The following CSMD1 variants were observed in gnomAD, a reference collection of about 807,000 sequenced individuals.
The protein encoded by CSMD1 is CUB and Sushi multiple domains 1.
A neutral mutation model predicts 417.5 loss-of-function variants in CSMD1; 213 were observed. That is an observed-to-expected ratio of 0.51 (90% CI 0.46 to 0.57). The LOEUF (loss-of-function observed/expected upper bound fraction) is 0.57. Among genes scored for constraint, CSMD1 ranks in the 20% least tolerant of loss-of-function variants. The pLI, the probability that CSMD1 is intolerant of heterozygous loss-of-function variation, is 0.00. For synonymous variants in CSMD1, 2,862 were observed against 1,736.8 expected (o/e 1.65, Z -16.11); for missense variants, 6,923 against 4,529.7 (o/e 1.53, Z -15.17).
Position 4,902,669 on chromosome 8 carries a change from T to C in CSMD1, c.85+91663A>G, listed in dbSNP as rs192401826. Among the ~76,000 whole-genome samples the C allele has an allele frequency of 1.1e-4, 16 of 152,266 alleles. No individual in the cohort carries two copies. In the East Asian group the frequency reaches 2.9e-3, roughly 28 times the overall value. On this transcript the variant is annotated intron_variant, in intron 1 of 69. Transcript: ENST00000635120. ...ACTTTTATGGCATATACTTTAATCATTTACTTTTGAATAGGTGATATACGC... is the reference window on the plus strand; with the variant it reads ...ACTTTTATGGCATATACTTTAATCACTTACTTTTGAATAGGTGATATACGC...
At chr8:3,424,445 G>C (rs146525791) in intron 12 of CSMD1, among the ~76,000 whole-genome samples, 64 of 152,284 alleles carry the variant, frequency 4.2e-4, no homozygotes, top group African/African-American at 1.4e-3. Context: ...TCTAGTCTGT[G>C]TATTTATTCA....
rs562159008 is a variant in CSMD1 at position 3,058,002 on chromosome 8, G to A, written c.7475-5355C>T. The stretch of plus-strand genomic sequence containing the variant: ...CCTCGCCAAGTATCCACGCCGCCCA[G>A]TCGGCTTATTCTCACTTTCTTGCCT... On this transcript the variant is annotated intron_variant, in intron 49 of 69. Transcript: ENST00000635120. 2.8e-3 allele frequency among the ~76,000 whole-genome samples: 432 copies of A among 152,224 alleles called. 1 individual carries two copies. The highest frequency in any genetic ancestry group is 3.1e-3 in the Non-Finnish European group (208 of 68,020).
intron 1 of CSMD1, among the ~76,000 whole-genome samples, chr8:4,644,534 G>A (rs1404737489): frequency 1.3e-5 from 2 of 152,128 alleles, no homozygotes; most frequent in Non-Finnish European, 2.9e-5. Context: ...AACCTCCAGA[G>A]TAGCTGGGAT....
At chr8:4,193,601 G>C (rs1318175274) in intron 3 of CSMD1, among the ~76,000 whole-genome samples, 2 of 152,028 alleles carry the variant, frequency 1.3e-5, no homozygotes, top group East Asian at 3.9e-4. Flanking sequence ...GGTCCCACCG[G>C]GCCCTCTGAG....
chr8:3,752,676 CAAAAAAA>C (rs200769696), intron 6 of CSMD1, among the ~76,000 whole-genome samples: 97 of 96,980 alleles, frequency 1.0e-3, no homozygotes, highest in African/African-American at 4.2e-3. Flanking sequence ...CCCCGCCTGG[CAAAAAAA>C]AAAAAAAAAA....
At chr8:3,533,030 G>A (rs1187110936) in intron 10 of CSMD1, among the ~76,000 whole-genome samples, 3 of 152,060 alleles carry the variant, frequency 2.0e-5, no homozygotes, top group Non-Finnish European at 4.4e-5. Context: ...TGTGTTTTAA[G>A]GGCAAAGATG....
chr8:3,168,962 T>C (rs776836707), intron 37 of CSMD1, among the ~76,000 whole-genome samples: 1 of 152,126 alleles, frequency 6.6e-6, no homozygotes, highest in Non-Finnish European at 1.5e-5. Context: ...TATATTAGCA[T>C]TTTACTGGTG....
chr8:3,406,244 A>G (rs1016520189), intron 14 of CSMD1, 23 bp from the exon 15 acceptor site: 23 of 1,540,926 alleles, frequency 1.5e-5, no homozygotes, highest in Middle Eastern at 1.7e-4. Flanking sequence ...GAAGAAGAAA[A>G]AAGGAATAAA....
At chr8:4,198,849 C>G (rs144621157) in intron 3 of CSMD1, among the ~76,000 whole-genome samples, 1 of 152,048 alleles carries the variant, frequency 6.6e-6, no homozygotes, top group Non-Finnish European at 1.5e-5. Flanking sequence ...GGAGAGACAG[C>G]GCAACAATAT....
intron 3 of CSMD1, among the ~76,000 whole-genome samples, chr8:4,162,335 G>T (rs1563206280): frequency 6.6e-6 from 1 of 152,118 alleles, no homozygotes; most frequent in African/African-American, 2.4e-5. Flanking sequence ...TACTACAAAA[G>T]AAAAGTGCTT....
chr8:3,691,401 A>C (rs1800237612), intron 7 of CSMD1, among the ~76,000 whole-genome samples: 1 of 152,012 alleles, frequency 6.6e-6, no homozygotes, highest in Non-Finnish European at 1.5e-5. Flanking sequence ...CAAAAAACAA[A>C]AACAAAACAA....
chr8:4,409,334 T>C (rs1796517321), intron 3 of CSMD1, among the ~76,000 whole-genome samples: 1 of 152,200 alleles, frequency 6.6e-6, no homozygotes. Flanking sequence ...CAAATCTATG[T>C]CATTCTCTCA....
chr8:3,185,889 C>G (rs1393108744), intron 36 of CSMD1, among the ~76,000 whole-genome samples: 1 of 152,200 alleles, frequency 6.6e-6, no homozygotes, highest in Non-Finnish European at 1.5e-5. Flanking sequence ...AATTCAATAT[C>G]TGAGTGTAGA....
chr8:4,882,018 A>C (rs1803435662), intron 1 of CSMD1, among the ~76,000 whole-genome samples: 1 of 152,018 alleles, frequency 6.6e-6, no homozygotes, highest in African/African-American at 2.4e-5. Flanking sequence ...TCCAACACTT[A>C]TTTGCAATCC....
At chr8:3,981,499 G>GAAAAAAAAA (rs1813861594) in intron 5 of CSMD1, among the ~76,000 whole-genome samples, 1 of 21,462 alleles carries the variant, frequency 4.7e-5, no homozygotes, top group African/African-American at 1.8e-4. Flanking sequence ...ATAGAAAAAA[G>GAAAAAAAAA]TAAAAAAAAA....
intron 26 of CSMD1, among the ~76,000 whole-genome samples, chr8:3,280,759 T>C (rs2117214681): frequency 6.9e-6 from 1 of 144,904 alleles, no homozygotes; most frequent in South Asian, 2.3e-4. Context: ...TTTCATGGTG[T>C]CTTCATGCTT....
chr8:4,672,746 G>C (rs1805406175), intron 1 of CSMD1, among the ~76,000 whole-genome samples: 1 of 152,034 alleles, frequency 6.6e-6, no homozygotes, highest in African/African-American at 2.4e-5. Flanking sequence ...CTCTCATACA[G>C]TGACATACCC....
At chr8:3,025,505 T>G (rs1308709666) in intron 51 of CSMD1, among the ~76,000 whole-genome samples, 1 of 152,250 alleles carries the variant, frequency 6.6e-6, no homozygotes, top group Non-Finnish European at 1.5e-5. Context: ...TATTGTGTGG[T>G]GTTATTCCGA....
At chr8:4,087,269 C>G (rs912676705) in intron 3 of CSMD1, among the ~76,000 whole-genome samples, 1 of 152,182 alleles carries the variant, frequency 6.6e-6, no homozygotes, top group Non-Finnish European at 1.5e-5. Context: ...AGTTCAACTT[C>G]TCTTGCTCAC....
Sources: allele counts gnomAD v4.1 joint callset (sites outside exome capture counted in the v4.1 genomes callset), GRCh38; gene constraint gnomAD v4.1.1; transcripts MANE v1.5; gene names NCBI Gene and HGNC (gene_info 2026-07-23, HGNC 2026-07-21).